Variants in CRY1 observed in about 807,000 individuals in gnomAD.
CRY1 encodes the protein cryptochrome-1.
CRY1 carries 45 observed loss-of-function variants against 76.0 expected under a neutral mutation model. The ratio of observed to expected loss-of-function variants is 0.59; its 90% CI spans 0.47 to 0.76. CRY1 has a LOEUF of 0.76. CRY1 is among the 30% of genes least tolerant of loss of function. CRY1 has a pLI of 0.00. For synonymous variants in CRY1, 248 were observed against 244.0 expected (o/e 1.02, Z -0.15); for missense variants, 587 against 716.4 (o/e 0.82, Z 2.06).
chr12:107,062,780 C>T (rs368608651), intron 1 of CRY1, among the ~76,000 whole-genome samples: 6 of 152,096 alleles, frequency 3.9e-5, no homozygotes, highest in East Asian at 3.9e-4. Flanking sequence ...TAACGTCATA[C>T]GATAAAAGAA....
intron 1 of CRY1, among the ~76,000 whole-genome samples, chr12:107,089,114 G>GAT (rs1953439098): frequency 6.6e-6 from 1 of 152,066 alleles, no homozygotes; most frequent in African/African-American, 2.4e-5. Context: ...CCATTATATG[G>GAT]ATATACCATA....
chr12:107,060,697 T>C (rs965583953), intron 1 of CRY1, among the ~76,000 whole-genome samples: 8 of 152,124 alleles, frequency 5.3e-5, no homozygotes, highest in African/African-American at 1.4e-4. Flanking sequence ...AACTCTTTTT[T>C]AAAAAAATTT....
At chr12:107,074,567 A>G (rs1308323093) in intron 1 of CRY1, among the ~76,000 whole-genome samples, 1 of 152,216 alleles carries the variant, frequency 6.6e-6, no homozygotes, top group Non-Finnish European at 1.5e-5. Flanking sequence ...AACCCAAACC[A>G]AATAAAAATA....
chr12:107,055,549 GT>G (rs778279717), intron 1 of CRY1, among the ~76,000 whole-genome samples: 3 of 151,766 alleles, frequency 2.0e-5, no homozygotes, highest in Non-Finnish European at 4.4e-5. Context: ...ATAAGTTAGC[GT>G]AAAAAAAAGC....
rs148304018 is a variant in CRY1 at position 107,000,074 on chromosome 12, C to T, written c.693G>A (p.Val231=). ...LERHLERKAW[V]ANFERPRMNA... is the part of the protein sequence containing the mutation. ...TCATTCGAGGTCTTTCAAAATTTGC[C>T]ACCCAAGCCTGAAAACACACAGAGA... Residue 231 remains valine (V), a synonymous_variant, in exon 6 of 13, where the codon GTG becomes GTA. Coordinates refer to ENST00000008527, the MANE Select transcript of CRY1 (RefSeq NM_004075.5). The T allele has an allele frequency of 5.3e-5, 84 of 1,596,402 alleles. No homozygotes were observed. Among genetic ancestry groups the T allele is most frequent in the Non-Finnish European group, 6.9e-5 (81 of 1,175,186 alleles).
At chr12:107,064,133 A>G (rs1402598388) in intron 1 of CRY1, among the ~76,000 whole-genome samples, 5 of 152,176 alleles carry the variant, frequency 3.3e-5, no homozygotes, top group African/African-American at 1.2e-4. Context: ...ATGGAATACT[A>G]TTCGACCTTT....
intron 1 of CRY1, among the ~76,000 whole-genome samples, chr12:107,024,149 A>G (rs1952584383): frequency 6.6e-6 from 1 of 152,200 alleles, no homozygotes; most frequent in South Asian, 2.1e-4. Context: ...TAATCCCCTA[A>G]TCTCTGTTGT....
chr12:107,026,777 T>G (rs927333349), intron 1 of CRY1, among the ~76,000 whole-genome samples: 14 of 151,564 alleles, frequency 9.2e-5, no homozygotes, highest in African/African-American at 2.4e-4. Context: ...CTGTTTTTTT[T>G]TTTTTTTTTT....
Position 107,032,213 on chromosome 12 carries a change from C to A in CRY1, c.159-10021G>T, listed in dbSNP as rs1952685111. On this transcript the variant is annotated intron_variant, in intron 1 of 12. Coordinates refer to ENST00000008527, the MANE Select transcript of CRY1 (RefSeq NM_004075.5). ...CCTCCCAAAGTGCTGGGATTACAGG[C>A]ATGAGCCACCACGCCCGGCCAGTAC... is the stretch of plus-strand genomic sequence containing the variant. Among the ~76,000 whole-genome samples, 2 of 152,130 alleles carry A rather than the reference C, an allele frequency of 1.3e-5. 1 individual carries two copies. The highest frequency in any genetic ancestry group is 4.1e-4 in the South Asian group (2 of 4,830).
intron 1 of CRY1, among the ~76,000 whole-genome samples, chr12:107,090,614 T>C (rs1335839807): frequency 6.6e-6 from 1 of 152,180 alleles, no homozygotes; most frequent in Non-Finnish European, 1.5e-5. Context: ...AGGGTGAGAA[T>C]TGGGGGCTGT....
intron 2 of CRY1, among the ~76,000 whole-genome samples, chr12:107,019,248 A>G (rs1226060432): frequency 6.6e-6 from 1 of 152,114 alleles, no homozygotes; most frequent in Non-Finnish European, 1.5e-5. Flanking sequence ...CGTTGAACCT[A>G]TAAGCAAAAA....
intron 10 of CRY1, among the ~76,000 whole-genome samples, chr12:106,995,950 T>A (rs1009812677): frequency 6.6e-6 from 1 of 152,152 alleles, no homozygotes; most frequent in Non-Finnish European, 1.5e-5. Context: ...TTCAAGTGAT[T>A]CTCCTGCCTC....
At chr12:107,067,672 T>C (rs1426088235) in intron 1 of CRY1, among the ~76,000 whole-genome samples, 1 of 152,062 alleles carries the variant, frequency 6.6e-6, no homozygotes, top group Non-Finnish European at 1.5e-5. Context: ...TAGGAGTAAA[T>C]AACAGTCTAT....
intron 1 of CRY1, among the ~76,000 whole-genome samples, chr12:107,079,561 A>G (rs902284801): frequency 3.3e-5 from 5 of 152,176 alleles, no homozygotes; most frequent in Non-Finnish European, 7.4e-5. Context: ...AAAAAGTACT[A>G]AACAACATCT....
rs1436521172 is a variant in CRY1, at chr12:107,092,947, G to C, written c.15C>G (p.Ala5=). The C allele has an allele frequency of 1.9e-6, 3 of 1,580,508 alleles. No homozygotes were observed. Among genetic ancestry groups the C allele is most frequent in the Admixed American group, 1.8e-5 (1 of 55,784 alleles). Reference sequence around the variant, plus strand: ...GGAGCCCCTTTCGGAACCAGTGCACGGCGTTCACCCCCATGCCGGGGGGCG... The same window carrying C: ...GGAGCCCCTTTCGGAACCAGTGCACCGCGTTCACCCCCATGCCGGGGGGCG... MGVN[A]VHWFRKGLRL... Residue 5 remains alanine, a synonymous_variant, in exon 1 of 13, where the codon GCC becomes GCG. Transcript: ENST00000008527.
chr12:106,996,109 G>C (rs935745279), intron 10 of CRY1, among the ~76,000 whole-genome samples: 4 of 152,164 alleles, frequency 2.6e-5, no homozygotes, highest in Non-Finnish European at 4.4e-5. Flanking sequence ...GCCTCCCAAA[G>C]TGCTGGGATT....
At chr12:107,017,646 G>A (rs1406753409) in intron 2 of CRY1, among the ~76,000 whole-genome samples, 6 of 152,158 alleles carry the variant, frequency 3.9e-5, no homozygotes, top group African/African-American at 4.8e-5. Flanking sequence ...CTGAAAGGTC[G>A]CTTAAGGCCT....
intron 1 of CRY1, among the ~76,000 whole-genome samples, chr12:107,023,508 G>T (rs1309887899): frequency 6.6e-6 from 1 of 152,050 alleles, no homozygotes. Flanking sequence ...CATTTTGTTC[G>T]CTTTACACAT....
At chr12:107,039,090 AC>A (rs1952768731) in intron 1 of CRY1, among the ~76,000 whole-genome samples, 2 of 152,118 alleles carry the variant, frequency 1.3e-5, no homozygotes, top group African/African-American at 4.8e-5. Context: ...GTGCCATTGT[AC>A]TCCAGCCTGG....
Sources: allele counts gnomAD v4.1 joint callset (sites outside exome capture counted in the v4.1 genomes callset), GRCh38; gene constraint gnomAD v4.1.1; transcripts MANE v1.5; gene names NCBI Gene and HGNC (gene_info 2026-07-23, HGNC 2026-07-21).